Variants in ADAMTS12 observed in about 807,000 individuals in gnomAD.
ADAMTS12 encodes ADAM metallopeptidase with thrombospondin type 1 motif 12.
In ADAMTS12, 118 loss-of-function variants were observed where a neutral mutation model predicts 167.8. The observed-to-expected ratio is 0.70, with a 90% CI of 0.61 to 0.82. ADAMTS12 has a LOEUF of 0.82. Ranked by LOEUF, ADAMTS12 falls within the 40% of genes least tolerant of loss-of-function variation. The probability of loss-of-function intolerance (pLI) is 0.00; values close to 1 mark genes in which losing one functional copy is unlikely to be tolerated. For missense variants in ADAMTS12, 1,916 were observed against 1,998.8 expected, an observed-to-expected ratio of 0.96 and a Z score of 0.79; for synonymous variants, 704 against 716.9, an observed-to-expected ratio of 0.98 and a Z score of 0.29.
intron 23 of ADAMTS12, among the ~76,000 whole-genome samples, chr5:33,532,749 AAAG>A (rs771220302): frequency 1.3e-5 from 2 of 152,326 alleles, no homozygotes; most frequent in East Asian, 3.9e-4. Flanking sequence ...ATGGTTTCTA[AAAG>A]AAGTAAAATG....
intron 3 of ADAMTS12, among the ~76,000 whole-genome samples, chr5:33,736,033 G>A (rs1233840850): frequency 2.1e-5 from 3 of 142,002 alleles, no homozygotes; most frequent in East Asian, 1.9e-4. Flanking sequence ...AAAGGCATCC[G>A]AACAACTGTA....
chr5:33,585,406 T>G (rs543683487), intron 18 of ADAMTS12, among the ~76,000 whole-genome samples: 2 of 152,320 alleles, frequency 1.3e-5, no homozygotes, highest in South Asian at 4.2e-4. Context: ...CACTTCAATG[T>G]CTAGAGCCCT....
intron 2 of ADAMTS12, among the ~76,000 whole-genome samples, chr5:33,873,125 A>G (rs557345969): frequency 9.2e-5 from 14 of 152,020 alleles, no homozygotes; most frequent in African/African-American, 3.1e-4. Flanking sequence ...AAAGGAAGAA[A>G]TAATACTTTG....
intron 5 of ADAMTS12, among the ~76,000 whole-genome samples, chr5:33,664,723 T>A (rs532734783): frequency 6.6e-6 from 1 of 152,272 alleles, no homozygotes; most frequent in Non-Finnish European, 1.5e-5. Context: ...GTAGCCATTA[T>A]GGAAAACAGC....
intron 7 of ADAMTS12, among the ~76,000 whole-genome samples, chr5:33,651,435 CA>C (rs1285774310): frequency 6.6e-6 from 1 of 152,112 alleles, no homozygotes; most frequent in Non-Finnish European, 1.5e-5. Context: ...AGTGATGAAA[CA>C]AACAAGTGTG....
intron 3 of ADAMTS12, among the ~76,000 whole-genome samples, chr5:33,750,046 C>T (rs16891657): frequency 0.047 from 7,135 of 152,208 alleles, 589 homozygotes; most frequent in African/African-American, 0.16. Context: ...TTCCCCATCA[C>T]CCAGAGTGTA....
At chr5:33,822,519 T>C (rs1747904964) in intron 2 of ADAMTS12, among the ~76,000 whole-genome samples, 2 of 152,158 alleles carry the variant, frequency 1.3e-5, no homozygotes, top group South Asian at 4.1e-4. Context: ...TAATTACCAA[T>C]AAAAAGTGAA....
intron 7 of ADAMTS12, among the ~76,000 whole-genome samples, chr5:33,652,782 G>C (rs1021606119): frequency 6.6e-6 from 1 of 152,060 alleles, no homozygotes; most frequent in Non-Finnish European, 1.5e-5. Context: ...TCTTGAGTTA[G>C]TTTCTGTATG....
chr5:33,652,535 T>G (rs2112198749), intron 7 of ADAMTS12, among the ~76,000 whole-genome samples: 1 of 152,316 alleles, frequency 6.6e-6, no homozygotes, highest in Non-Finnish European at 1.5e-5. Flanking sequence ...ATTAGTCCTT[T>G]GTCAGATGTA....
At chr5:33,620,459 G>T (rs560582627) in intron 14 of ADAMTS12, among the ~76,000 whole-genome samples, 2 of 152,202 alleles carry the variant, frequency 1.3e-5, no homozygotes, top group South Asian at 2.1e-4. Context: ...ATCACACAGC[G>T]TTTTAAACAG....
chr5:33,875,334 AT>A (rs983168302), intron 2 of ADAMTS12, among the ~76,000 whole-genome samples: 11 of 152,204 alleles, frequency 7.2e-5, no homozygotes, highest in Admixed American at 5.2e-4. Context: ...ACTTTAGGTG[AT>A]AATGATGTGT....
At chr5:33,603,561 A>C (rs1311798002) in intron 16 of ADAMTS12, 1 of 152,168 alleles carries the variant, frequency 6.6e-6, no homozygotes, top group Non-Finnish European at 1.5e-5. Flanking sequence ...AATGCCGCTG[A>C]GGGGAGAGAA....
chr5:33,776,031 T>C (rs1177826896), intron 2 of ADAMTS12, among the ~76,000 whole-genome samples: 2 of 152,102 alleles, frequency 1.3e-5, no homozygotes, highest in Non-Finnish European at 2.9e-5. Context: ...ATAACAATTG[T>C]ACATAAATAT....
intron 7 of ADAMTS12, among the ~76,000 whole-genome samples, chr5:33,654,874 TTGTGTGTGTG>T (rs34219097): frequency 9.9e-5 from 14 of 141,664 alleles, no homozygotes; most frequent in Middle Eastern, 3.6e-3. Context: ...GTGGGTGATT[TTGTGTGTGTG>T]TGTGTGTGTG....
intron 2 of ADAMTS12, among the ~76,000 whole-genome samples, chr5:33,854,105 C>G (rs149668741): frequency 0.02 from 2,976 of 152,278 alleles, 64 homozygotes; most frequent in Non-Finnish European, 0.023. Flanking sequence ...TCATCTTATA[C>G]TGAAAGATCA....
At chr5:33,830,327 C>T (rs567028884) in intron 2 of ADAMTS12, among the ~76,000 whole-genome samples, 30 of 152,096 alleles carry the variant, frequency 2.0e-4, no homozygotes, top group African/African-American at 5.5e-4. Context: ...TAAACTTGAT[C>T]GATATCACAA....
chr5:33,631,332 G>A (rs1426718567), intron 12 of ADAMTS12, among the ~76,000 whole-genome samples: 1 of 152,114 alleles, frequency 6.6e-6, no homozygotes, highest in Non-Finnish European at 1.5e-5. Context: ...AGCAAAGTAA[G>A]TAGACCTCCA....
chr5:33,777,627 T>C (rs1017227131), intron 2 of ADAMTS12, among the ~76,000 whole-genome samples: 41 of 152,072 alleles, frequency 2.7e-4, no homozygotes, highest in African/African-American at 9.7e-4. Context: ...AAGACAAAGA[T>C]ACCTACTGTC....
At chr5:33,720,333 T>C (rs1229786924) in intron 3 of ADAMTS12, among the ~76,000 whole-genome samples, 4 of 149,406 alleles carry the variant, frequency 2.7e-5, no homozygotes, top group East Asian at 2.0e-4. Flanking sequence ...TTTCAAAAAG[T>C]GGTTTCATTT....
Sources: gnomAD v4.1 joint callset for allele counts (sites outside exome capture counted in the v4.1 genomes callset) on GRCh38, gnomAD v4.1.1 for gene constraint, MANE v1.5 for transcripts, NCBI Gene and HGNC (gene_info 2026-07-23, HGNC 2026-07-21) for gene names.